AUTS2: variants seen among roughly 807,000 people sequenced by gnomAD.
The protein encoded by AUTS2 is activator of transcription and developmental regulator AUTS2.
AUTS2 carries 17 observed loss-of-function variants against 112.4 expected under a neutral mutation model. That is an observed-to-expected ratio of 0.15 (90% CI 0.10 to 0.23). The LOEUF is 0.23. Ranked by LOEUF, AUTS2 falls within the 10% of genes least tolerant of loss-of-function variation. The pLI, the probability that AUTS2 is intolerant of heterozygous loss-of-function variation, is 1.00. For synonymous variants in AUTS2, 751 were observed against 702.7 expected, an observed-to-expected ratio of 1.07 and a Z score of -1.09; for missense variants, 1,510 against 1,701.6, an observed-to-expected ratio of 0.89 and a Z score of 1.98.
chr7:69,836,898 G>A (rs369347401), intron 1 of AUTS2, among the ~76,000 whole-genome samples: 5 of 152,196 alleles, frequency 3.3e-5, no homozygotes, highest in African/African-American at 1.2e-4. Context: ...GCTCACTCTA[G>A]TGGGGGAAAT....
chr7:70,548,693 A>C (rs1395213863), intron 5 of AUTS2, among the ~76,000 whole-genome samples: 1 of 152,198 alleles, frequency 6.6e-6, no homozygotes, highest in East Asian at 1.9e-4. Context: ...CACTTTTGTC[A>C]AAAATCATAG....
chr7:70,737,561 A>T (rs1181025883), intron 6 of AUTS2, among the ~76,000 whole-genome samples: 1 of 152,206 alleles, frequency 6.6e-6, no homozygotes, highest in Non-Finnish European at 1.5e-5. Flanking sequence ...TAGGTATTTG[A>T]AATTCACAAG....
intron 3 of AUTS2, 97 bp downstream of exon 3, chr7:70,118,330 C>A: frequency 7.5e-7 from 1 of 1,340,754 alleles, no homozygotes; most frequent in South Asian, 1.9e-5. Context: ...ATAACTTTCC[C>A]TCATCTTTAG....
At chr7:70,512,194 C>G (rs1303893521) in intron 5 of AUTS2, among the ~76,000 whole-genome samples, 1 of 152,190 alleles carries the variant, frequency 6.6e-6, no homozygotes, top group East Asian at 1.9e-4. Context: ...GGGTGGGCCT[C>G]CCACACAAAA....
chr7:70,570,664 A>G (rs1280670004), intron 5 of AUTS2, among the ~76,000 whole-genome samples: 1 of 152,052 alleles, frequency 6.6e-6, no homozygotes, highest in African/African-American at 2.4e-5. Flanking sequence ...TGCTAAGACT[A>G]TGTGGACCCA....
At chr7:70,282,378 A>G (rs1206881055) in intron 4 of AUTS2, among the ~76,000 whole-genome samples, 2 of 152,132 alleles carry the variant, frequency 1.3e-5, no homozygotes, top group Non-Finnish European at 2.9e-5. Context: ...CTTATAAACA[A>G]CAGAAATTTA....
chr7:69,702,501 G>C (rs1036820702), intron 1 of AUTS2, among the ~76,000 whole-genome samples: 13 of 152,200 alleles, frequency 8.5e-5, no homozygotes, highest in African/African-American at 3.1e-4. Context: ...GGACTTCGTA[G>C]TAGTTCTCTG....
chr7:70,686,494 C>A (rs1228164076), intron 5 of AUTS2, among the ~76,000 whole-genome samples: 1 of 151,940 alleles, frequency 6.6e-6, no homozygotes, highest in Admixed American at 6.6e-5. Flanking sequence ...CTTAGTTGTC[C>A]CCAAACATAG....
chr7:70,784,312 C>G, intron 15 of AUTS2: 1 of 152,218 alleles, frequency 6.6e-6, no homozygotes, highest in Non-Finnish European at 1.5e-5. Flanking sequence ...AGGGATTCTG[C>G]AAGTCCCCAG....
At chr7:69,723,710 A>C (rs1000699023) in intron 1 of AUTS2, among the ~76,000 whole-genome samples, 1 of 152,162 alleles carries the variant, frequency 6.6e-6, no homozygotes, top group Non-Finnish European at 1.5e-5. Context: ...TCTGCCTGCT[A>C]TGTTTAACTA....
At chr7:70,132,624 A>G (rs1227287167) in intron 3 of AUTS2, among the ~76,000 whole-genome samples, 1 of 152,216 alleles carries the variant, frequency 6.6e-6, no homozygotes, top group African/African-American at 2.4e-5. Flanking sequence ...AACAATAGCC[A>G]GAACAAATAT....
chr7:70,004,666 G>A (rs1025499517), intron 2 of AUTS2, among the ~76,000 whole-genome samples: 16 of 151,368 alleles, frequency 1.1e-4, no homozygotes, highest in African/African-American at 3.9e-4. Context: ...GAGGCAGAGT[G>A]TTTTAAAACT....
chr7:70,435,807 G>A (rs1795870429), intron 5 of AUTS2, 26 bp downstream of exon 5: 1 of 1,611,504 alleles, frequency 6.2e-7, no homozygotes, highest in Admixed American at 1.7e-5. Flanking sequence ...CCCCATTGTG[G>A]GCACAGCACA....
chr7:69,876,285 C>T (rs777857145), intron 1 of AUTS2, among the ~76,000 whole-genome samples: 13 of 119,364 alleles, frequency 1.1e-4, no homozygotes, highest in Admixed American at 1.0e-4. Context: ...GAGACTGTGC[C>T]GCTGCACTCC....
At position 69,695,937 on chromosome 7, in the gene AUTS2, T is replaced by G. The variant is rs183977752; in HGVS notation, c.309+95975T>G. ...CCTTCTTGACACTCAAGAAATGCTC[T>G]TTTTCCATCTACAAATAGGAAGACA... On this transcript the variant is annotated intron_variant, in intron 1 of 18. Coordinates refer to ENST00000342771, the MANE Select transcript of AUTS2 (RefSeq NM_015570.4). Among the ~76,000 whole-genome samples the G allele has an allele frequency of 8.7e-4, 132 of 152,326 alleles. 1 individual carries two copies. Among genetic ancestry groups the G allele is most frequent in the Non-Finnish European group, 1.6e-3 (106 of 68,038 alleles).
intron 3 of AUTS2, among the ~76,000 whole-genome samples, chr7:70,132,352 G>A (rs1255474282): frequency 6.6e-6 from 1 of 151,854 alleles, no homozygotes. Context: ...CTAGGGGAGG[G>A]GAGTTATAAG....
At chr7:70,686,212 G>A (rs1309039733) in intron 5 of AUTS2, among the ~76,000 whole-genome samples, 1 of 152,196 alleles carries the variant, frequency 6.6e-6, no homozygotes, top group Non-Finnish European at 1.5e-5. Flanking sequence ...GAAACTATAA[G>A]AATGTCTACT....
intron 2 of AUTS2, among the ~76,000 whole-genome samples, chr7:69,959,016 T>C (rs183765050): frequency 6.6e-6 from 1 of 152,288 alleles, no homozygotes; most frequent in East Asian, 1.9e-4. Flanking sequence ...AGGAAATACT[T>C]TCTGGTCTCC....
Position 70,450,555 on chromosome 7 carries a change from G to C in AUTS2, c.690+14774G>C, listed in dbSNP as rs540995161. 2.0e-5 allele frequency among the ~76,000 whole-genome samples: 3 copies of C among 152,310 alleles called. No homozygotes were observed. In the East Asian group the frequency reaches 5.8e-4, roughly 29 times the overall value. On this transcript the variant is annotated intron_variant, in intron 5 of 18. Transcript: ENST00000342771. ...TCCATGGCAGTGTTGGGGGGAAGAT[G>C]AGACTGTAAACATATGTTGGTATAC...
Sources: gnomAD v4.1 joint callset for allele counts (sites outside exome capture counted in the v4.1 genomes callset) on GRCh38, gnomAD v4.1.1 for gene constraint, MANE v1.5 for transcripts, NCBI Gene and HGNC (gene_info 2026-07-23, HGNC 2026-07-21) for gene names.